TSPOAP1: variants seen among roughly 807,000 people sequenced by gnomAD.
TSPOAP1 encodes peripheral-type benzodiazepine receptor-associated protein 1.
In TSPOAP1, 87 loss-of-function variants were observed where a neutral mutation model predicts 197.0. The ratio of observed to expected loss-of-function variants is 0.44; its 90% confidence interval spans 0.37 to 0.53. TSPOAP1 has a LOEUF of 0.53. TSPOAP1 is among the 20% of genes least tolerant of loss of function. The pLI is 0.00. For synonymous variants in TSPOAP1, 913 were observed against 998.9 expected (o/e 0.91, Z 1.62); for missense variants, 2,174 against 2,411.3 (o/e 0.90, Z 2.06).
chr17:58,305,312 G>A (rs1486907941), intron 29 of TSPOAP1, 75 bp downstream of exon 29: 2 of 1,569,498 alleles, frequency 1.3e-6, no homozygotes, highest in Non-Finnish European at 1.8e-6. Flanking sequence ...GACTTCCTGA[G>A]GGTTCCTTGC....
chr17:58,318,105 G>C (rs369524659), intron 14 of TSPOAP1, among the ~76,000 whole-genome samples, 175 bp downstream of exon 14: 224 of 152,290 alleles, frequency 1.5e-3, no homozygotes, highest in African/African-American at 4.9e-3. Flanking sequence ...AGGGCAGGAA[G>C]GGCTCCACCT....
chr17:58,308,568 C>G lies in TSPOAP1; in HGVS notation c.4704G>C (p.Thr1568=), dbSNP rs761815373. ...GGGAGAGTGGCTCCTTGGCTCTGCC[C>G]GTCGCACTGCGGCCTCTCCGCTCTG... The part of the protein sequence containing the change: ...GEPERRGRSA[T]GRAKEPLSRA... The change falls in exon 22 of 32, where the codon ACG becomes ACC. Residue 1568 remains threonine (T), a synonymous_variant. Coordinates refer to ENST00000343736, the MANE Select transcript of TSPOAP1 (RefSeq NM_004758.4). 1.3e-6 allele frequency: 2 copies of G among 1,552,808 alleles called. No homozygotes were observed. The highest frequency in any genetic ancestry group is 1.7e-6 in the Non-Finnish European group (2 of 1,147,044).
chr17:58,328,025 T>G lies in TSPOAP1; in HGVS notation c.-105A>C. Reference sequence around the variant, plus strand: ...GCCAGCCCCTCTCCCCTCTGAGCTCTTGCTTCACCGACGCTCCATCCAAGG... The same window carrying G: ...GCCAGCCCCTCTCCCCTCTGAGCTCGTGCTTCACCGACGCTCCATCCAAGG... On this transcript the variant is annotated 5_prime_UTR_variant, in exon 1 of 32. Coordinates refer to ENST00000343736, the MANE Select transcript of TSPOAP1 (RefSeq NM_004758.4). The surrounding 1 kb of genome is among the most constrained non-coding windows in gnomAD (Gnocchi z 4.3). 3.9e-6 allele frequency: 4 copies of G among 1,037,502 alleles called. No homozygotes were observed. The highest frequency in any genetic ancestry group is 5.4e-6 in the Non-Finnish European group (4 of 735,148). 64.3% of individuals were successfully genotyped at this position (1,037,502 alleles called of 1,614,324 possible).
Position 58,309,451 on chromosome 17 carries a change from C to A in TSPOAP1, c.3892-71G>T. The A allele has an allele frequency of 1.3e-6, 2 of 1,521,382 alleles. No individual in the cohort carries two copies. The highest frequency in any genetic ancestry group is 1.3e-5 in the South Asian group (1 of 78,832). 94.2% of individuals were successfully genotyped at this position (1,521,382 alleles called of 1,614,324 possible). A position where few individuals can be genotyped will look rare whatever the true frequency, so the allele number is the denominator to read the frequency against. On this transcript the variant is annotated intron_variant, in intron 21 of 31. Transcript: ENST00000343736. This position sits in a 1 kb window ranked among gnomAD's most constrained non-coding sequence, Gnocchi z 5.0. ...GATGCGTGGGGAAGAGGAGAGCGAG[C>A]TGCGATCTTTGCCCTCAAACGAAGG...
chr17:58,322,735 C>T lies in TSPOAP1; in HGVS notation c.1236G>A (p.Gly412=), dbSNP rs773452061. 1 of 1,612,948 alleles carries T rather than the reference C, an allele frequency of 6.2e-7. No homozygotes were observed. Among genetic ancestry groups the T allele is most frequent in the South Asian group, 1.1e-5 (1 of 91,084 alleles). Residue 412 remains glycine (G), a synonymous_variant, in exon 9 of 32, where the codon GGG becomes GGA. Coordinates refer to ENST00000343736, the MANE Select transcript of TSPOAP1 (RefSeq NM_004758.4). The surrounding 1 kb of genome is among the most constrained non-coding windows in gnomAD (Gnocchi z 5.0). ...ENAELRGQLL[G]VTQERDSALR... ...GGGCTGAGTCCCTCTCCTGTGTCAC[C>T]CCCAGGAGCTGGCCCCTCAGCTCCG...
intron 29 of TSPOAP1, 88 bp downstream of exon 29, chr17:58,305,299 C>T (rs1235534903): frequency 1.3e-6 from 2 of 1,549,662 alleles, no homozygotes. Flanking sequence ...TTCCATTCCT[C>T]CGGACTTCCT....
At chr17:58,311,457 G>T in intron 18 of TSPOAP1, 114 bp downstream of exon 18, 1 of 1,435,442 alleles carries the variant, frequency 7.0e-7, no homozygotes, top group Admixed American at 2.4e-5. Context: ...CTGCCTCATG[G>T]TACCCAAATG....
intron 22 of TSPOAP1, among the ~76,000 whole-genome samples, 157 bp downstream of exon 22, chr17:58,308,384 T>A (rs1204279476): frequency 6.6e-6 from 1 of 152,104 alleles, no homozygotes; most frequent in African/African-American, 2.4e-5. Context: ...AGCAGTGGAA[T>A]GTGGGTGGGA....
chr17:58,327,727 C>G lies in TSPOAP1; in HGVS notation c.194G>C (p.Gly65Ala). ...LRSEESSKPK[G>A]DGSSRPVGGT... ...CCCCACGGGCCTGGAGCTCCCGTCT[C>G]CTTTGGGCTTGGAACTCTCCTCAGA... Residue 65 changes from glycine (G) to alanine (A), a missense_variant, in exon 1 of 32, where the codon GGA becomes GCA. Gly to Ala is a moderately conservative substitution (Grantham distance 60). Coordinates refer to ENST00000343736, the MANE Select transcript of TSPOAP1 (RefSeq NM_004758.4). The G allele has an allele frequency of 6.2e-7, 1 of 1,614,216 alleles. No homozygotes were observed. Among genetic ancestry groups the G allele is most frequent in the East Asian group, 2.2e-5 (1 of 44,894 alleles).
rs919998604 is a variant in TSPOAP1, at chr17:58,304,099, A to G, written c.*32+239T>C. 4 of 513,094 alleles carry G rather than the reference A, an allele frequency of 7.8e-6. No homozygotes were observed. The highest frequency in any genetic ancestry group is 5.7e-5 in the African/African-American group (3 of 52,286). The allele number at this position is 513,094 out of a possible 1,614,324, so 31.8% of individuals were successfully genotyped here. On this transcript the variant is annotated intron_variant, in intron 31 of 31. Transcript: ENST00000343736. The surrounding 1 kb of genome is among the most constrained non-coding windows in gnomAD (Gnocchi z 4.2). ...CAGCTAATATGGGACATCACACACT[A>G]AGATGACATGTAATCCTATGACAGC... is the stretch of plus-strand genomic sequence containing the variant.
intron 22 of TSPOAP1, among the ~76,000 whole-genome samples, chr17:58,308,198 C>T (rs1424934423): frequency 1.3e-5 from 2 of 152,188 alleles, no homozygotes; most frequent in Non-Finnish European, 2.9e-5. Flanking sequence ...GAGGAGCCCG[C>T]GAGAGGAGGG....
In TSPOAP1 at chr17:58,307,871, C is replaced by G. The variant is rs115431563; in HGVS notation, c.4802G>C (p.Arg1601Pro). The change falls in exon 23 of 32, where the codon CGA (arginine) becomes CCA (proline). Residue 1601 changes from arginine (R) to proline (P), a missense_variant. Arg to Pro is a moderately radical substitution (Grantham distance 103). Transcript: ENST00000343736. ...CTCTGCAGTGCTTGGCCTGAGGACT[C>G]GGACACCTCTCTTCTGGGGGCCCCT... Reference protein sequence around the residue: ...GRRGPQKRGVRVLRPSTAELV... With the variant: ...GRRGPQKRGVPVLRPSTAELV... 2.9e-4 allele frequency: 475 copies of G among 1,613,724 alleles called. 3 individuals are homozygous for G. In the African/African-American group the frequency reaches 5.8e-3, roughly 20 times the overall value.
rs990108963 is a variant in TSPOAP1, at chr17:58,328,245, G to T, written c.-325C>A. 7.4e-6 allele frequency: 3 copies of T among 406,338 alleles called. No individual in the cohort carries two copies. The highest frequency in any genetic ancestry group is 1.4e-5 in the Non-Finnish European group (3 of 217,244). The allele number at this position is 406,338 out of a possible 1,614,324, so 25.2% of individuals were successfully genotyped here. On this transcript the variant is annotated 5_prime_UTR_variant, in exon 1 of 32. Coordinates refer to ENST00000343736, the MANE Select transcript of TSPOAP1 (RefSeq NM_004758.4). This position sits in a 1 kb window ranked among gnomAD's most constrained non-coding sequence, Gnocchi z 4.3. ...GACAGCTGCGCCTGGGTGAGGGTGC[G>T]TGTGTGTGTCTCCAGGTCTGTCCGT...
intron 25 of TSPOAP1, 57 bp from the exon 26 acceptor site, chr17:58,306,470 GGAC>G: frequency 1.4e-6 from 2 of 1,454,694 alleles, no homozygotes; most frequent in South Asian, 1.3e-5. Context: ...GACAGGACTG[GGAC>G]TCTGGAGTTT....
At position 58,325,018 on chromosome 17, in the gene TSPOAP1, A is replaced by G. The variant is rs915723327; in HGVS notation, c.751-16T>C. 2.7e-6 allele frequency: 4 copies of G among 1,506,596 alleles called. No homozygotes were observed. The highest frequency in any genetic ancestry group is 3.6e-6 in the Non-Finnish European group (4 of 1,125,156). 93.3% of individuals were successfully genotyped at this position (1,506,596 alleles called of 1,614,324 possible). ...GGGGACCCTCCTGAGGTTGGGGGAC[A>G]GGGACAGGGAGGGGACTCAGGCCTA... is the stretch of plus-strand genomic sequence containing the variant. On this transcript the variant is annotated splice_polypyrimidine_tract_variant and intron_variant, in intron 4 of 31. Coordinates refer to ENST00000343736, the MANE Select transcript of TSPOAP1 (RefSeq NM_004758.4).
In TSPOAP1 at chr17:58,322,208, C is replaced by A. The variant is rs1385238891; in HGVS notation, c.1422+100G>T. Reference sequence around the variant, plus strand: ...TCTTTGTTCCCCACAGTCTCCCCGACGCCTAGCACAGTGCCGGGCACACAG... The same window carrying A: ...TCTTTGTTCCCCACAGTCTCCCCGAAGCCTAGCACAGTGCCGGGCACACAG... On this transcript the variant is annotated intron_variant, in intron 10 of 31. Transcript: ENST00000343736. This position sits in a 1 kb window ranked among gnomAD's most constrained non-coding sequence, Gnocchi z 5.0. 2 of 1,208,052 alleles carry A rather than the reference C, an allele frequency of 1.7e-6. No homozygotes were observed. Among genetic ancestry groups the A allele is most frequent in the South Asian group, 1.4e-5 (1 of 73,462 alleles). The allele number at this position is 1,208,052 out of a possible 1,614,324, so 74.8% of individuals were successfully genotyped here. A position where few individuals can be genotyped will look rare whatever the true frequency, so the allele number is the denominator to read the frequency against.
chr17:58,310,051 C>T lies in TSPOAP1; in HGVS notation c.3807G>A (p.Glu1269=), dbSNP rs759601807. 3 of 1,613,530 alleles carry T rather than the reference C, an allele frequency of 1.9e-6. No homozygotes were observed. Among genetic ancestry groups the T allele is most frequent in the South Asian group, 2.2e-5 (2 of 91,088 alleles). The part of the protein sequence containing the change: ...DIQEEEEEEE[E]EEEEELGSRT... ...TGGAACCCAGCTCCTCTTCCTCCTCCTCCTCCTCCTCTTCCTCTTCCTCCT... is the reference window on the plus strand; with the variant it reads ...TGGAACCCAGCTCCTCTTCCTCCTCTTCCTCCTCCTCTTCCTCTTCCTCCT... Residue 1269 remains glutamate (E), a synonymous_variant, in exon 21 of 32, where the codon GAG becomes GAA. Coordinates refer to ENST00000343736, the MANE Select transcript of TSPOAP1 (RefSeq NM_004758.4).
In TSPOAP1 at chr17:58,323,451, C is replaced by A. The variant is rs1005543696; in HGVS notation, c.1020+17G>T. ...TGCCCACAGCAGGCTGCCTCCAGCC[C>A]TTGACCTAGGACTTACCAGCTGCTG... On this transcript the variant is annotated intron_variant, in intron 6 of 31. Coordinates refer to ENST00000343736, the MANE Select transcript of TSPOAP1 (RefSeq NM_004758.4). 2.5e-6 allele frequency: 4 copies of A among 1,614,244 alleles called. No individual in the cohort carries two copies. Among genetic ancestry groups the A allele is most frequent in the Non-Finnish European group, 3.4e-6 (4 of 1,180,028 alleles).
At position 58,323,922 on chromosome 17, in the gene TSPOAP1, C is replaced by T. The variant is rs1790922827; in HGVS notation, c.943-377G>A. ...CGACTGGCAGAGAACTAGGAGGCTG[C>T]CTGGGCCCCCGGGGATGTGGTGTTC... On this transcript the variant is annotated intron_variant, in intron 5 of 31. Coordinates refer to ENST00000343736, the MANE Select transcript of TSPOAP1 (RefSeq NM_004758.4). Among the ~76,000 whole-genome samples the T allele has an allele frequency of 5.9e-5, 9 of 152,324 alleles. No individual in the cohort carries two copies. The South Asian group carries it at 1.7e-3, about 28-fold the overall frequency.
Sources: gnomAD v4.1 joint callset for allele counts (sites outside exome capture counted in the v4.1 genomes callset) on GRCh38, gnomAD v4.1.1 for gene constraint, Gnocchi (gnomAD v3.1) non-coding constraint, MANE v1.5 for transcripts, NCBI Gene and HGNC (gene_info 2026-07-23, HGNC 2026-07-21) for gene names.